Variants in DISP2 observed in about 807,000 individuals in gnomAD.
The protein encoded by DISP2 is protein dispatched homolog 2.
DISP2 carries 59 observed loss-of-function variants against 95.5 expected under a neutral mutation model. The ratio of observed to expected loss-of-function variants is 0.62; its 90% confidence interval spans 0.50 to 0.77. The LOEUF (loss-of-function observed/expected upper bound fraction) is 0.77, where lower values mean the gene tolerates loss of function less well. DISP2 is among the 30% of genes least tolerant of loss of function. The probability of loss-of-function intolerance (pLI) is 0.00; values close to 1 mark genes in which losing one functional copy is unlikely to be tolerated. For synonymous variants in DISP2, 827 were observed against 815.0 expected (o/e 1.01, Z -0.25); for missense variants, 1,752 against 1,854.6 (o/e 0.94, Z 1.02).
chr15:40,365,805 G>A, intron 7 of DISP2, 80 bp downstream of exon 7: 1 of 1,368,026 alleles, frequency 7.3e-7, no homozygotes, highest in Non-Finnish European at 1.0e-6. Context: ...ATACAGCTGA[G>A]CCAGGACTGC....
Position 40,368,116 on chromosome 15 carries a change from A to C in DISP2, c.2004A>C (p.Leu668=). Residue 668 remains leucine (L), a synonymous_variant, in exon 8 of 8, where the codon CTA becomes CTC. Transcript: ENST00000267889. Reference sequence around the variant, plus strand: ...GGGAGGGCAGCGCGCCCCGGCGGCTACTGCTGGCGCTGCACCGGCGGCTCC... The same window carrying C: ...GGGAGGGCAGCGCGCCCCGGCGGCTCCTGCTGGCGCTGCACCGGCGGCTCC... ...GRWEGSAPRR[L]LLALHRRLRG... 2 of 1,373,746 alleles carry C rather than the reference A, an allele frequency of 1.5e-6. No individual in the cohort carries two copies. The highest frequency in any genetic ancestry group is 1.9e-6 in the Non-Finnish European group (2 of 1,071,982). 85.1% of individuals were successfully genotyped at this position (1,373,746 alleles called of 1,614,324 possible).
At position 40,376,882 on chromosome 15, in the gene DISP2, A is replaced by G. The variant is rs1319236554; in HGVS notation, c.*6564A>G. 4 of 152,248 alleles carry G rather than the reference A, an allele frequency of 2.6e-5. No homozygotes were observed. The highest frequency in any genetic ancestry group is 9.6e-5 in the African/African-American group (4 of 41,460). 9.4% of individuals were successfully genotyped at this position (152,248 alleles called of 1,614,324 possible). On this transcript the variant is annotated 3_prime_UTR_variant, in exon 8 of 8. Coordinates refer to ENST00000267889, the MANE Select transcript of DISP2 (RefSeq NM_033510.3). ...ATACATATTAACCACATTGATTTGA[A>G]TGGAAAAATAAAATCAGACTTTTTC...
At chr15:40,362,152 G>A (rs573772514) in intron 1 of DISP2, among the ~76,000 whole-genome samples, 1 of 152,190 alleles carries the variant, frequency 6.6e-6, no homozygotes, top group Non-Finnish European at 1.5e-5. Flanking sequence ...GGGTGAGGGG[G>A]TGTCCCAACT....
chr15:40,364,633 T>C (rs1595725956), intron 4 of DISP2, 89 bp downstream of exon 4: 2 of 1,557,800 alleles, frequency 1.3e-6, no homozygotes, highest in African/African-American at 2.7e-5. Context: ...GTAGCCATGG[T>C]AGCCTGGGGA....
At chr15:40,366,531 A>T (rs755542592) in intron 7 of DISP2, among the ~76,000 whole-genome samples, 3 of 152,244 alleles carry the variant, frequency 2.0e-5, no homozygotes, top group Non-Finnish European at 4.4e-5. Flanking sequence ...TGCTCTCTGT[A>T]CTACGTCAGC....
At position 40,368,317 on chromosome 15, in the gene DISP2, C is replaced by G. The variant is rs1056514057; in HGVS notation, c.2205C>G (p.Pro735=). Residue 735 remains proline, a synonymous_variant, in exon 8 of 8, where the codon CCC becomes CCG. Transcript: ENST00000267889. ...PRLRLPTLPP[P]GGQVFRPSHP... The stretch of plus-strand genomic sequence containing the variant: ...TGCGGCTGCCCACGCTGCCGCCGCC[C>G]GGCGGCCAGGTCTTCCGGCCCAGCC... 6 of 1,603,210 alleles carry G rather than the reference C, an allele frequency of 3.7e-6. No homozygotes were observed. Among genetic ancestry groups the G allele is most frequent in the Non-Finnish European group, 5.1e-6 (6 of 1,176,388 alleles).
At chr15:40,365,422 G>A (rs1889481812) in intron 6 of DISP2, 148 bp downstream of exon 6, 1 of 1,426,436 alleles carries the variant, frequency 7.0e-7, no homozygotes, top group Admixed American at 2.2e-5. Flanking sequence ...GTTACAGCTG[G>A]GATAGGGGAG....
chr15:40,358,548 T>A, intron 1 of DISP2, 108 bp downstream of exon 1: 1 of 821,190 alleles, frequency 1.2e-6, no homozygotes, highest in African/African-American at 2.2e-5. Flanking sequence ...CCCCAGACCC[T>A]CCCGGAGCCC....
At chr15:40,365,103 T>C in intron 5 of DISP2, 44 bp from the exon 6 acceptor site, 1 of 1,604,182 alleles carries the variant, frequency 6.2e-7, no homozygotes, top group South Asian at 1.1e-5. Context: ...CTCTGAGTCT[T>C]CCAACCCTAA....
rs1889757982 is a variant in DISP2, at chr15:40,378,356, G to A, written c.*8038G>A. 1 of 152,214 alleles carries A rather than the reference G, an allele frequency of 6.6e-6. No individual in the cohort carries two copies. The highest frequency in any genetic ancestry group is 2.4e-5 in the African/African-American group (1 of 41,448). 9.4% of individuals were successfully genotyped at this position (152,214 alleles called of 1,614,324 possible). On this transcript the variant is annotated 3_prime_UTR_variant, in exon 8 of 8. Transcript: ENST00000267889. ...GTAGGCAGAAAGAGGAGGATGGGAA[G>A]AAGTACCAAGGGGAAGGAGGAATGA...
rs1555399508 is a variant in DISP2, at chr15:40,358,244, T to TGCCGCCGCCACCGCC, written c.-68_-54dup. 2.6e-5 allele frequency: 20 copies of TGCCGCCGCCACCGCC among 779,890 alleles called. No homozygotes were observed. The highest frequency in any genetic ancestry group is 1.1e-4 in the Admixed American group (2 of 18,606). 48.3% of individuals were successfully genotyped at this position (779,890 alleles called of 1,614,324 possible). Reference sequence around the variant, plus strand: ...ATGCGCACGAGCACCCCGCCGCCGCTGCCGCCGCCACCGCCGCCGCCGCCG... The same window carrying TGCCGCCGCCACCGCC: ...ATGCGCACGAGCACCCCGCCGCCGCTGCCGCCGCCACCGCCGCCGCCGCCACCGCCGCCGCCGCCG... On this transcript the variant is annotated 5_prime_UTR_variant, in exon 1 of 8. Transcript: ENST00000267889.
Position 40,367,753 on chromosome 15 carries a change from C to A in DISP2, c.1641C>A (p.Ala547=). The change falls in exon 8 of 8, where the codon GCC becomes GCA. Residue 547 remains alanine (A), a synonymous_variant. Transcript: ENST00000267889. ...MAYFPFVNLA[A]LLLLSSVCAN... ...ACTTCCCCTTCGTCAATCTGGCAGCCCTCCTCCTGCTGAGCAGCGTCTGCG... is the reference window on the plus strand; with the variant it reads ...ACTTCCCCTTCGTCAATCTGGCAGCACTCCTCCTGCTGAGCAGCGTCTGCG... The A allele has an allele frequency of 6.2e-7, 1 of 1,611,868 alleles. No individual in the cohort carries two copies. Among genetic ancestry groups the A allele is most frequent in the Non-Finnish European group, 8.5e-7 (1 of 1,180,026 alleles).
rs1222566710 is a variant in DISP2 at position 40,374,684 on chromosome 15, A to G, written c.*4366A>G. ...GAGTGTAGTGGCACGATCTTGGCTC[A>G]CTGCAAGCTCTGCCTCCCAGGTTCA... On this transcript the variant is annotated 3_prime_UTR_variant, in exon 8 of 8. Transcript: ENST00000267889. The G allele has an allele frequency of 6.6e-6, 1 of 151,054 alleles. No homozygotes were observed. Among genetic ancestry groups the G allele is most frequent in the Non-Finnish European group, 1.5e-5 (1 of 67,978 alleles). The allele number at this position is 151,054 out of a possible 1,614,324, so 9.4% of individuals were successfully genotyped here.
chr15:40,358,949 C>T (rs1405272695), intron 1 of DISP2, among the ~76,000 whole-genome samples: 1 of 152,262 alleles, frequency 6.6e-6, no homozygotes, highest in Non-Finnish European at 1.5e-5. Flanking sequence ...CCCTGCATGA[C>T]CCCCAGCTGT....
rs1381578601 is a variant in DISP2 at position 40,372,836 on chromosome 15, G to C, written c.*2518G>C. ...TGTTAGAATGCAGAGGGGTGGATGG[G>C]TGGGCATGAGGGATCTGAGCACACC... On this transcript the variant is annotated 3_prime_UTR_variant, in exon 8 of 8. Transcript: ENST00000267889. 6.6e-6 allele frequency: 1 copy of C among 152,182 alleles called. No individual in the cohort carries two copies. The highest frequency in any genetic ancestry group is 1.5e-5 in the Non-Finnish European group (1 of 68,050). The allele number at this position is 152,182 out of a possible 1,614,324, so 9.4% of individuals were successfully genotyped here.
At chr15:40,362,953 C>A (rs1300837561) in intron 1 of DISP2, among the ~76,000 whole-genome samples, 1 of 152,160 alleles carries the variant, frequency 6.6e-6, no homozygotes, top group Non-Finnish European at 1.5e-5. Flanking sequence ...TGTCACTGAA[C>A]CTGTTTTCAA....
At position 40,368,971 on chromosome 15, in the gene DISP2, G is replaced by C; in HGVS notation, c.2859G>C (p.Leu953=). Residue 953 remains leucine, a synonymous_variant, in exon 8 of 8, where the codon CTG becomes CTC. Coordinates refer to ENST00000267889, the MANE Select transcript of DISP2 (RefSeq NM_033510.3). ...RRGWFTSRLE[L]YSLQHSLSTE... ...GTTGGTTCACTAGCCGTCTAGAGCT[G>C]TATAGCCTGCAGCACAGCCTGAGCA... The C allele has an allele frequency of 1.2e-6, 2 of 1,613,998 alleles. No individual in the cohort carries two copies. Among genetic ancestry groups the C allele is most frequent in the Admixed American group, 1.7e-5 (1 of 60,038 alleles).
In DISP2 at chr15:40,375,256, C is replaced by T. The variant is rs1379052582; in HGVS notation, c.*4938C>T. ...ATTTCTCATAATTATTATCGGGCCT[C>T]TTTGTGATTACTCACATTTTTCTCA... On this transcript the variant is annotated 3_prime_UTR_variant, in exon 8 of 8. Transcript: ENST00000267889. 2 of 152,214 alleles carry T rather than the reference C, an allele frequency of 1.3e-5. No individual in the cohort carries two copies. Among genetic ancestry groups the T allele is most frequent in the African/African-American group, 2.4e-5 (1 of 41,446 alleles). 9.4% of individuals were successfully genotyped at this position (152,214 alleles called of 1,614,324 possible).
Position 40,369,259 on chromosome 15 carries a change from G to A in DISP2, c.3147G>A (p.Leu1049=). ...ACCTGTGCCCACACCCTGACCGCCT[G>A]AGCCGTGTGGCCTTCTCTCTGCGCC... The part of the protein sequence containing the change: ...SYHLCPHPDR[L]SRVAFSLRQT... Residue 1049 remains leucine (L), a synonymous_variant, in exon 8 of 8, where the codon CTG becomes CTA. Coordinates refer to ENST00000267889, the MANE Select transcript of DISP2 (RefSeq NM_033510.3). The A allele has an allele frequency of 6.2e-7, 1 of 1,613,834 alleles. No homozygotes were observed. Among genetic ancestry groups the A allele is most frequent in the South Asian group, 1.1e-5 (1 of 91,088 alleles).
Sources: gnomAD v4.1 joint callset for allele counts (sites outside exome capture counted in the v4.1 genomes callset) on GRCh38, gnomAD v4.1.1 for gene constraint, MANE v1.5 for transcripts, NCBI Gene and HGNC (gene_info 2026-07-23, HGNC 2026-07-21) for gene names.